Variants in GNAL observed in about 807,000 individuals in gnomAD.
The protein encoded by GNAL is guanine nucleotide-binding protein G(olf) subunit alpha.
Under a neutral mutation model 55.1 loss-of-function variants are expected in GNAL, and 18 were observed. That is an observed-to-expected ratio of 0.33 (90% CI 0.23 to 0.48). The LOEUF (loss-of-function observed/expected upper bound fraction) is 0.48, where lower values mean the gene tolerates loss of function less well. Among genes scored for constraint, GNAL ranks in the 20% least tolerant of loss-of-function variants. The pLI is 0.99. For missense variants in GNAL, 412 were observed against 614.1 expected (o/e 0.67, Z 3.48); for synonymous variants, 253 against 237.0 (o/e 1.07, Z -0.62).
intron 4 of GNAL, among the ~76,000 whole-genome samples, chr18:11,807,639 A>G (rs1305116789): frequency 2.0e-5 from 3 of 152,136 alleles, no homozygotes. Flanking sequence ...AGGCAATTGG[A>G]TGTGCAAGTC....
At chr18:11,869,605 A>G (rs1047064037) in intron 9 of GNAL, among the ~76,000 whole-genome samples, 9 of 152,206 alleles carry the variant, frequency 5.9e-5, no homozygotes, top group African/African-American at 2.2e-4. Flanking sequence ...TAAATTTAAG[A>G]TAGCAGTACA....
rs35519179 is a variant in GNAL at position 11,884,722 on chromosome 18, TC to T, written c.*3592del. On this transcript the variant is annotated 3_prime_UTR_variant, in exon 12 of 12. Coordinates refer to ENST00000334049, the MANE Select transcript of GNAL (RefSeq NM_182978.4). ...GCAGAGGGAAGACTGCCTTCTCAGG[TC>T]CCCCTCAGGTGAGGCAGGGAACGGG... 1.4e-3 allele frequency: 1,901 copies of T among 1,400,034 alleles called. 31 individuals carry two copies. The African/African-American group carries it at 0.023, about 17-fold the overall frequency. The allele number at this position is 1,400,034 out of a possible 1,614,324, so 86.7% of individuals were successfully genotyped here.
chr18:11,751,033 TC>T lies in GNAL; in HGVS notation c.377-1818del, dbSNP rs2032809062. Among the ~76,000 whole-genome samples, 1 of 151,958 alleles carries T rather than the reference TC, an allele frequency of 6.6e-6. No homozygotes were observed. The highest frequency in any genetic ancestry group is 6.6e-5 in the Admixed American group (1 of 15,264). ...GTCTGTTCTCCTGAAGAAGGCCAGCTCCGCAGTGAAGAAGACCGTGTAGGTT... is the reference window on the plus strand; with the variant it reads ...GTCTGTTCTCCTGAAGAAGGCCAGCTCGCAGTGAAGAAGACCGTGTAGGTT... On this transcript the variant is annotated intron_variant, in intron 1 of 11. Transcript: ENST00000334049. The surrounding 1 kb of genome is among the most constrained non-coding windows in gnomAD (Gnocchi z 4.5).
intron 4 of GNAL, among the ~76,000 whole-genome samples, chr18:11,776,959 A>T (rs537641137): frequency 6.6e-6 from 1 of 152,204 alleles, no homozygotes; most frequent in Non-Finnish European, 1.5e-5. Flanking sequence ...TCAATACATC[A>T]TAAAAGCATG....
chr18:11,794,179 A>G (rs2034315513), intron 4 of GNAL, among the ~76,000 whole-genome samples: 2 of 152,230 alleles, frequency 1.3e-5, no homozygotes, highest in Admixed American at 6.5e-5. Flanking sequence ...GCCACTGTGG[A>G]AAACAGTTTG....
chr18:11,689,520 G>A lies in GNAL; in HGVS notation c.-44G>A. ...GGAACCAGGCCGCCCTCGGCGCCCA[G>A]CCTGCCCTAGTCCCGCGCGCCGCCC... On this transcript the variant is annotated 5_prime_UTR_variant, in exon 1 of 12. Transcript: ENST00000334049. 9.8e-7 allele frequency: 1 copy of A among 1,023,734 alleles called. No homozygotes were observed. Among genetic ancestry groups the A allele is most frequent in the Non-Finnish European group, 1.3e-6 (1 of 799,240 alleles). The allele number at this position is 1,023,734 out of a possible 1,614,324, so 63.4% of individuals were successfully genotyped here.
At chr18:11,761,182 C>T (rs2033230543) in intron 4 of GNAL, among the ~76,000 whole-genome samples, 2 of 152,182 alleles carry the variant, frequency 1.3e-5, no homozygotes, top group South Asian at 4.1e-4. Flanking sequence ...AGTCGCACCC[C>T]TTAGCTGTCA....
At chr18:11,787,042 C>T (rs2034082367) in intron 4 of GNAL, among the ~76,000 whole-genome samples, 1 of 151,950 alleles carries the variant, frequency 6.6e-6, no homozygotes, top group South Asian at 2.1e-4. Context: ...GAGTTTGAGA[C>T]CAGCCTGGGC....
rs112037624 is a variant in GNAL at position 11,737,571 on chromosome 18, G to A, written c.377-15282G>A. ...CTCTCCCCATCTCTCCAGTCCACTGGTTCACCTTCCTTCTGAAAGCACAGC... is the reference window on the plus strand; with the variant it reads ...CTCTCCCCATCTCTCCAGTCCACTGATTCACCTTCCTTCTGAAAGCACAGC... On this transcript the variant is annotated intron_variant, in intron 1 of 11. Coordinates refer to ENST00000334049, the MANE Select transcript of GNAL (RefSeq NM_182978.4). 6.6e-3 allele frequency among the ~76,000 whole-genome samples: 1,001 copies of A among 152,232 alleles called. 12 individuals carry two copies. Among genetic ancestry groups the A allele is most frequent in the African/African-American group, 0.023 (939 of 41,532 alleles).
chr18:11,708,369 C>T (rs1240236299), intron 1 of GNAL, among the ~76,000 whole-genome samples: 1 of 152,154 alleles, frequency 6.6e-6, no homozygotes, highest in East Asian at 1.9e-4. Flanking sequence ...CTGGTCAGTA[C>T]AGCAGTCAGA....
At chr18:11,808,850 A>G (rs1297058652) in intron 4 of GNAL, among the ~76,000 whole-genome samples, 1 of 152,274 alleles carries the variant, frequency 6.6e-6, no homozygotes, top group Non-Finnish European at 1.5e-5. Context: ...CACATGCCAT[A>G]TCAGAGATGA....
chr18:11,787,597 G>T (rs2034094832), intron 4 of GNAL, among the ~76,000 whole-genome samples: 1 of 152,194 alleles, frequency 6.6e-6, no homozygotes, highest in Non-Finnish European at 1.5e-5. Context: ...ATTTGGCCGG[G>T]CGCGGTGGCC....
chr18:11,757,734 A>T (rs1221117163), intron 4 of GNAL, among the ~76,000 whole-genome samples: 1 of 152,148 alleles, frequency 6.6e-6, no homozygotes, highest in Non-Finnish European at 1.5e-5. Flanking sequence ...TACGACATCT[A>T]AGTGGAGACA....
At chr18:11,853,824 T>A (rs1037875718) in intron 5 of GNAL, 1 of 166,934 alleles carries the variant, frequency 6.0e-6, no homozygotes, top group African/African-American at 2.4e-5. Context: ...TCTTAACCCC[T>A]CTTTTATTTT....
At chr18:11,818,237 A>G (rs986519441) in intron 4 of GNAL, among the ~76,000 whole-genome samples, 8 of 152,194 alleles carry the variant, frequency 5.3e-5, no homozygotes, top group Non-Finnish European at 1.2e-4. Flanking sequence ...ACAAAATCAT[A>G]GTGTTATAAC....
intron 1 of GNAL, among the ~76,000 whole-genome samples, chr18:11,742,443 C>A (rs1013179175): frequency 6.6e-6 from 1 of 152,202 alleles, no homozygotes; most frequent in Admixed American, 6.5e-5. Flanking sequence ...GTACTGTTAC[C>A]CTCACCCATG....
rs138613360 is a variant in GNAL, at chr18:11,704,148, ACATCATGGGT to A, written c.376+14211_376+14220del. Among the ~76,000 whole-genome samples, 934 of 152,318 alleles carry A rather than the reference ACATCATGGGT, an allele frequency of 6.1e-3. 4 individuals are homozygous for A. The highest frequency in any genetic ancestry group is 0.021 in the African/African-American group (874 of 41,570). The stretch of plus-strand genomic sequence containing the variant: ...ATTGGTGTTCTTCCGTGGAGCCTGA[ACATCATGGGT>A]CCCACAGTGAGTCACAGCCTTCTGC... On this transcript the variant is annotated intron_variant, in intron 1 of 11. Coordinates refer to ENST00000334049, the MANE Select transcript of GNAL (RefSeq NM_182978.4).
chr18:11,700,298 C>T (rs1355387834), intron 1 of GNAL, among the ~76,000 whole-genome samples: 1 of 152,232 alleles, frequency 6.6e-6, no homozygotes, highest in Non-Finnish European at 1.5e-5. Context: ...AAAGACTTTT[C>T]CAACTGCAGT....
intron 1 of GNAL, among the ~76,000 whole-genome samples, chr18:11,699,566 G>T (rs564225562): frequency 3.3e-5 from 5 of 151,494 alleles, no homozygotes; most frequent in Admixed American, 1.3e-4. Context: ...TGAGGGGGGG[G>T]GTTGGCTTTA....
Sources: gnomAD v4.1 joint callset for allele counts (sites outside exome capture counted in the v4.1 genomes callset) on GRCh38, gnomAD v4.1.1 for gene constraint, Gnocchi (gnomAD v3.1) non-coding constraint, MANE v1.5 for transcripts, NCBI Gene and HGNC (gene_info 2026-07-23, HGNC 2026-07-21) for gene names.